SLC67A2: variants seen among roughly 807,000 people sequenced by gnomAD.
SLC67A2 encodes solute carrier family 67 member A2.
chr2:102,718,913 T>C, the SLC67A2 span: 1 of 1,614,200 alleles, frequency 6.2e-7, no homozygotes, highest in East Asian at 2.2e-5. Flanking sequence ...AAAGCGCTCC[T>C]CCAGGGCCAG....
chr2:102,719,053 G>A, the SLC67A2 span: 1 of 1,614,146 alleles, frequency 6.2e-7, no homozygotes, highest in African/African-American at 1.3e-5. Flanking sequence ...CCCAGGGCTG[G>A]GCAGTCTTCT....
chr2:102,731,234 A>G, the SLC67A2 span, among the ~76,000 whole-genome samples: 3 of 152,174 alleles, frequency 2.0e-5, no homozygotes, highest in South Asian at 6.2e-4. Context: ...AAATGGAAGT[A>G]ATACAATTTC....
At chr2:102,718,257 C>G in the SLC67A2 span, 1 of 748,860 alleles carries the variant, frequency 1.3e-6, no homozygotes, top group African/African-American at 1.7e-5. Context: ...ATCCTGCAGG[C>G]ATGGCTGCAT....
At chr2:102,722,928 G>A in the SLC67A2 span, among the ~76,000 whole-genome samples, 1 of 151,866 alleles carries the variant, frequency 6.6e-6, no homozygotes, top group Admixed American at 6.6e-5. Flanking sequence ...ACTATACAAG[G>A]TACTCCTTCA....
At chr2:102,717,520 A>G in the SLC67A2 span, 2,294 of 152,390 alleles carry the variant, frequency 0.015, 62 homozygotes, top group African/African-American at 0.053. Flanking sequence ...GGCTGTGGCA[A>G]CCCCAGCATC....
chr2:102,727,195 C>A, the SLC67A2 span, among the ~76,000 whole-genome samples: 3 of 150,632 alleles, frequency 2.0e-5, no homozygotes, highest in African/African-American at 7.3e-5. Context: ...TGTCCAAAAA[C>A]AAACAAACAA....
chr2:102,718,635 CGCCCACAGTCAGCTGGAGGTCCGTGAT>C, the SLC67A2 span: 1 of 1,613,828 alleles, frequency 6.2e-7, no homozygotes, highest in Non-Finnish European at 8.5e-7. Flanking sequence ...GCCTGGGCCC[CGCCCACAGTCAGCTGGAGGTCCGTGAT>C]GCACGTCCTG....
chr2:102,724,617 T>G, the SLC67A2 span, among the ~76,000 whole-genome samples: 3 of 152,216 alleles, frequency 2.0e-5, no homozygotes, highest in Non-Finnish European at 4.4e-5. Flanking sequence ...TGCTGACAGA[T>G]TCTGGTAACC....
chr2:102,719,799 C>T, the SLC67A2 span, among the ~76,000 whole-genome samples: 3 of 152,308 alleles, frequency 2.0e-5, no homozygotes, highest in East Asian at 3.9e-4. Context: ...TATGTGACAG[C>T]CTGCCTTGGC....
At chr2:102,717,468 CAGA>C in the SLC67A2 span, 2 of 152,438 alleles carry the variant, frequency 1.3e-5, no homozygotes, top group South Asian at 2.1e-4. Flanking sequence ...CTGTCAGCAC[CAGA>C]AGGATGCAAC....
chr2:102,716,614 T>C, the SLC67A2 span: 1 of 152,252 alleles, frequency 6.6e-6, no homozygotes, highest in African/African-American at 2.4e-5. Context: ...CATAAATATT[T>C]GATTTTACTC....
At chr2:102,722,898 G>A in the SLC67A2 span, among the ~76,000 whole-genome samples, 1 of 152,054 alleles carries the variant, frequency 6.6e-6, no homozygotes, top group African/African-American at 2.4e-5. Context: ...TCATACATCT[G>A]ATAAAGAGTT....
chr2:102,736,849 G>A, the SLC67A2 span: 31 of 1,561,352 alleles, frequency 2.0e-5, no homozygotes, highest in East Asian at 6.8e-5. Flanking sequence ...CAGCAGCCGC[G>A]GACCTACCCC....
At chr2:102,725,727 C>T in the SLC67A2 span, among the ~76,000 whole-genome samples, 8 of 152,190 alleles carry the variant, frequency 5.3e-5, no homozygotes, top group East Asian at 1.4e-3. Flanking sequence ...CTGAACTCTA[C>T]AGACTTTCAG....
At chr2:102,722,378 G>C in the SLC67A2 span, among the ~76,000 whole-genome samples, 6 of 152,166 alleles carry the variant, frequency 3.9e-5, no homozygotes, top group South Asian at 2.1e-4. Context: ...AGAGGGGCAG[G>C]GTCTGCCCAT....
the SLC67A2 span, among the ~76,000 whole-genome samples, chr2:102,729,021 C>G: frequency 6.6e-5 from 10 of 152,190 alleles, no homozygotes; most frequent in Non-Finnish European, 1.3e-4. Flanking sequence ...TTAGCCAAAT[C>G]TGACAGAATA....
At chr2:102,725,705 A>G in the SLC67A2 span, among the ~76,000 whole-genome samples, 1 of 65,664 alleles carries the variant, frequency 1.5e-5, no homozygotes, top group Non-Finnish European at 3.4e-5. Flanking sequence ...ATGGTTAAGA[A>G]TGTTGGGGGG....
the SLC67A2 span, chr2:102,717,866 T>G: frequency 6.5e-6 from 1 of 153,966 alleles, no homozygotes; most frequent in Non-Finnish European, 1.4e-5. Flanking sequence ...AGTATCTTAT[T>G]TTTAAGCAGC....
the SLC67A2 span, among the ~76,000 whole-genome samples, chr2:102,725,246 GC>G: frequency 6.6e-6 from 1 of 152,130 alleles, no homozygotes; most frequent in South Asian, 2.1e-4. Flanking sequence ...ACCCTGTGAA[GC>G]CCCCCGTGGC....
Sources: allele counts gnomAD v4.1 joint callset (sites outside exome capture counted in the v4.1 genomes callset), GRCh38; gene constraint gnomAD v4.1.1; transcripts MANE v1.5; gene names NCBI Gene and HGNC (gene_info 2026-07-23, HGNC 2026-07-21).